Variants in CTNNA3 observed in about 807,000 individuals in gnomAD.
The protein encoded by CTNNA3 is catenin alpha 3, also known as catenin alpha-3.
A neutral mutation model predicts 95.7 loss-of-function variants in CTNNA3; 76 were observed. The observed-to-expected ratio is 0.79, with a 90% CI of 0.66 to 0.96. The LOEUF is 0.96. CTNNA3 is among the 40% of genes least tolerant of loss of function. The pLI is 0.00. For missense variants in CTNNA3, 1,191 were observed against 1,089.8 expected (o/e 1.09, Z -1.31); for synonymous variants, 431 against 374.4 (o/e 1.15, Z -1.74).
chr10:66,054,142 A>C (rs2080023306), intron 15 of CTNNA3, among the ~76,000 whole-genome samples: 1 of 152,120 alleles, frequency 6.6e-6, no homozygotes, highest in Non-Finnish European at 1.5e-5. Context: ...TGGATACATA[A>C]TTTTATTCCA....
intron 2 of CTNNA3, among the ~76,000 whole-genome samples, chr10:67,627,579 A>G (rs916453775): frequency 5.3e-5 from 8 of 152,208 alleles, no homozygotes; most frequent in African/African-American, 1.9e-4. Context: ...GTAGAGAATC[A>G]TGAAATGTTT....
intron 7 of CTNNA3, among the ~76,000 whole-genome samples, chr10:67,141,574 T>C (rs1272236488): frequency 6.6e-6 from 1 of 152,132 alleles, no homozygotes; most frequent in Non-Finnish European, 1.5e-5. Flanking sequence ...TGAGAAGACA[T>C]GCTGGGTTCA....
chr10:67,003,882 A>G (rs1465560237), intron 7 of CTNNA3, among the ~76,000 whole-genome samples: 1 of 152,186 alleles, frequency 6.6e-6, no homozygotes, highest in African/African-American at 2.4e-5. Context: ...AGTGCAGCAT[A>G]AAACGGAAGA....
intron 8 of CTNNA3, among the ~76,000 whole-genome samples, chr10:66,766,701 T>G (rs1839872535): frequency 1.3e-5 from 2 of 152,214 alleles, no homozygotes. Flanking sequence ...TACTTTCTTT[T>G]TTGCTCAAAG....
intron 7 of CTNNA3, among the ~76,000 whole-genome samples, chr10:66,983,408 C>T (rs982519470): frequency 3.9e-5 from 6 of 152,078 alleles, no homozygotes; most frequent in African/African-American, 9.7e-5. Flanking sequence ...GAGTTTTGTA[C>T]GGGTGCCCAG....
intron 12 of CTNNA3, among the ~76,000 whole-genome samples, chr10:66,325,548 A>G (rs978310817): frequency 6.6e-6 from 1 of 152,090 alleles, no homozygotes; most frequent in African/African-American, 2.4e-5. Flanking sequence ...CCTGGCCAAC[A>G]ATGAGCTTCT....
chr10:66,747,180 C>G (rs1838917036), intron 9 of CTNNA3, among the ~76,000 whole-genome samples: 2 of 152,112 alleles, frequency 1.3e-5, no homozygotes, highest in Non-Finnish European at 2.9e-5. Flanking sequence ...TGCTTACAAG[C>G]TTAGAAAGTA....
chr10:66,667,429 C>A (rs1393634433), intron 9 of CTNNA3, among the ~76,000 whole-genome samples: 3 of 152,186 alleles, frequency 2.0e-5, no homozygotes, highest in African/African-American at 7.2e-5. Flanking sequence ...TTGTCCCGCA[C>A]ACAACTTTTC....
chr10:66,860,658 T>C (rs1338349231), intron 7 of CTNNA3, among the ~76,000 whole-genome samples: 1 of 152,190 alleles, frequency 6.6e-6, no homozygotes, highest in Admixed American at 6.6e-5. Flanking sequence ...GCCATTGCAG[T>C]ATTTGCTATA....
chr10:66,575,082 T>C (rs1023708703), intron 10 of CTNNA3, among the ~76,000 whole-genome samples: 2 of 152,030 alleles, frequency 1.3e-5, no homozygotes, highest in African/African-American at 4.8e-5. Flanking sequence ...TAGTGACAAA[T>C]TGAATAGCAA....
chr10:67,654,183 G>C (rs891729429), intron 1 of CTNNA3, among the ~76,000 whole-genome samples: 5 of 152,114 alleles, frequency 3.3e-5, no homozygotes, highest in African/African-American at 1.2e-4. Context: ...AGGAACCCAA[G>C]GATTCTAAAA....
intron 5 of CTNNA3, among the ~76,000 whole-genome samples, chr10:67,469,106 G>A (rs1847715847): frequency 6.6e-6 from 1 of 152,130 alleles, no homozygotes; most frequent in South Asian, 2.1e-4. Context: ...AATTCTGTGA[G>A]CTGAAAACTC....
At chr10:66,957,369 A>T (rs1848845614) in intron 7 of CTNNA3, among the ~76,000 whole-genome samples, 2 of 141,392 alleles carry the variant, frequency 1.4e-5, no homozygotes, top group African/African-American at 2.5e-5. Flanking sequence ...AAATATATCC[A>T]GAATATGTGT....
chr10:66,645,465 CTG>C (rs1845675247), intron 9 of CTNNA3, among the ~76,000 whole-genome samples: 1 of 152,102 alleles, frequency 6.6e-6, no homozygotes, highest in Non-Finnish European at 1.5e-5. Context: ...GTGGAAAATG[CTG>C]TCTTTCTTCT....
intron 5 of CTNNA3, among the ~76,000 whole-genome samples, chr10:67,510,762 T>G (rs1839598354): frequency 6.6e-6 from 1 of 152,212 alleles, no homozygotes. Flanking sequence ...GGGATGGTAT[T>G]GAATCTATAA....
intron 5 of CTNNA3, among the ~76,000 whole-genome samples, chr10:67,424,395 T>G (rs76053467): frequency 0.034 from 5,157 of 152,234 alleles, 248 homozygotes; most frequent in African/African-American, 0.11. Context: ...TGATCATTCT[T>G]TTTAATGTTG....
chr10:66,889,302 A>G (rs781441434), intron 7 of CTNNA3, among the ~76,000 whole-genome samples: 3 of 152,242 alleles, frequency 2.0e-5, no homozygotes, highest in Non-Finnish European at 2.9e-5. Context: ...AATGGTAGAT[A>G]CATGTCATTG....
At chr10:66,959,575 A>G (rs910143366) in intron 7 of CTNNA3, among the ~76,000 whole-genome samples, 2 of 152,124 alleles carry the variant, frequency 1.3e-5, no homozygotes, top group Non-Finnish European at 2.9e-5. Flanking sequence ...TCTCTGGGAA[A>G]TCTGGAAAAT....
At chr10:66,519,871 A>C (rs113748325) in intron 11 of CTNNA3, among the ~76,000 whole-genome samples, 2 of 152,128 alleles carry the variant, frequency 1.3e-5, no homozygotes, top group African/African-American at 4.8e-5. Context: ...ATTGACTGAG[A>C]TCTGTCTCAG....
Sources: gnomAD v4.1 joint callset for allele counts (sites outside exome capture counted in the v4.1 genomes callset) on GRCh38, gnomAD v4.1.1 for gene constraint, MANE v1.5 for transcripts, NCBI Gene and HGNC (gene_info 2026-07-23, HGNC 2026-07-21) for gene names.